PDE4C: variants seen among roughly 807,000 people sequenced by gnomAD.
PDE4C encodes the protein 3',5'-cyclic-AMP phosphodiesterase 4C.
Under a neutral mutation model 63.9 loss-of-function variants are expected in PDE4C, and 50 were observed. That is an observed-to-expected ratio of 0.78 (90% confidence interval 0.62 to 0.99). The LOEUF (loss-of-function observed/expected upper bound fraction) is 0.99, where lower values mean the gene tolerates loss of function less well. Ranked by LOEUF, PDE4C falls within the 50% of genes least tolerant of loss-of-function variation. The pLI is 0.00. For missense variants in PDE4C, 777 were observed against 899.1 expected (o/e 0.86, Z 1.74); for synonymous variants, 377 against 385.1 (o/e 0.98, Z 0.25).
intron 1 of PDE4C, among the ~76,000 whole-genome samples, chr19:18,223,461 T>C (rs1968581701): frequency 6.6e-6 from 1 of 150,904 alleles, no homozygotes; most frequent in Non-Finnish European, 1.5e-5. Context: ...CCGCCCGCCT[T>C]GGCCTCCCAA....
downstream of PDE4C, chr19:18,209,818 C>G (rs1334739946): frequency 6.6e-6 from 1 of 151,300 alleles, no homozygotes; most frequent in Non-Finnish European, 1.5e-5. Context: ...CTCAGCCTCC[C>G]CAGTAGCTGG....
chr19:18,215,835 T>C (rs909010027), intron 12 of PDE4C, among the ~76,000 whole-genome samples: 38 of 148,066 alleles, frequency 2.6e-4, no homozygotes, highest in Admixed American at 5.4e-4. Context: ...TCTTTTCTTT[T>C]TTTTTTTTTT....
upstream of PDE4C, among the ~76,000 whole-genome samples, chr19:18,228,069 C>T (rs1362729614): frequency 3.3e-5 from 5 of 152,118 alleles, no homozygotes; most frequent in Admixed American, 6.6e-5. Flanking sequence ...AAAATACCAT[C>T]GTTGTCTGCT....
intron 13 of PDE4C, among the ~76,000 whole-genome samples, chr19:18,212,198 T>TA (rs1267516945): frequency 6.9e-6 from 1 of 144,404 alleles, no homozygotes; most frequent in African/African-American, 2.5e-5. Flanking sequence ...TTTTTTTTTT[T>TA]AATGAGTTAG....
chr19:18,210,974 G>A (rs147017099), exon 15 of PDE4C: 289 of 1,614,002 alleles, frequency 1.8e-4, no homozygotes, highest in Non-Finnish European at 2.2e-4. Flanking sequence ...GGTCTGGGCC[G>A]GCTTCAGGGG....
At chr19:18,232,466 GGT>G (rs1436150489) in intron 1 of PDE4C, among the ~76,000 whole-genome samples, 1 of 151,462 alleles carries the variant, frequency 6.6e-6, no homozygotes, top group Non-Finnish European at 1.5e-5. Context: ...TGCTTGAGCT[GGT>G]CACAAACTTC....
chr19:18,232,178 A>T (rs557226088), intron 1 of PDE4C, among the ~76,000 whole-genome samples: 1 of 152,120 alleles, frequency 6.6e-6, no homozygotes, highest in Non-Finnish European at 1.5e-5. Flanking sequence ...CAGCCTGGGT[A>T]ACATGGCAAA....
chr19:18,242,545 G>A (rs907702497), intron 1 of PDE4C, among the ~76,000 whole-genome samples: 5 of 150,994 alleles, frequency 3.3e-5, no homozygotes, highest in Admixed American at 1.3e-4. Flanking sequence ...ATTTTGGGAG[G>A]CTGAGGTGGG....
At chr19:18,216,601 A>C (rs569116843) in intron 12 of PDE4C, 140 bp downstream of exon 12, 1 of 792,876 alleles carries the variant, frequency 1.3e-6, no homozygotes, top group African/African-American at 1.7e-5. Flanking sequence ...CAGATGAGGA[A>C]GCTCAGACAG....
chr19:18,233,381 C>G lies in PDE4C; in HGVS notation c.-190G>C, dbSNP rs1968892921. On this transcript the variant is annotated 5_prime_UTR_variant, in exon 1 of 15. Transcript: ENST00000594465. Reference sequence around the variant, plus strand: ...TCAAGGTGGGGCCGACACCGAGGAGCTGTCGATGCCCAGATGGTGCTGAAG... The same window carrying G: ...TCAAGGTGGGGCCGACACCGAGGAGGTGTCGATGCCCAGATGGTGCTGAAG... 7 of 754,092 alleles carry G rather than the reference C, an allele frequency of 9.3e-6. No homozygotes were observed. In the East Asian group the frequency reaches 1.6e-4, roughly 17 times the overall value. 46.7% of individuals were successfully genotyped at this position (754,092 alleles called of 1,614,324 possible).
chr19:18,224,103 C>T, intron 1 of PDE4C: 1 of 678,198 alleles, frequency 1.5e-6, no homozygotes, highest in Non-Finnish European at 1.8e-6. Flanking sequence ...CCGGCCCACC[C>T]TCCTCCCTCT....
At chr19:18,249,924 GAAAGT>G, upstream of PDE4C, 1 of 390,450 alleles carries the variant, frequency 2.6e-6, no homozygotes, top group Non-Finnish European at 4.5e-6. Context: ...TGGATCCCCT[GAAAGT>G]AAAGACATGG....
Position 18,220,851 on chromosome 19 carries a change from G to A in PDE4C, c.499+23C>T, listed in dbSNP as rs1968438288. 6 of 1,604,310 alleles carry A rather than the reference G, an allele frequency of 3.7e-6. No individual in the cohort carries two copies. The highest frequency in any genetic ancestry group is 5.1e-6 in the Non-Finnish European group (6 of 1,176,026). On this transcript the variant is annotated intron_variant, in intron 5 of 14. Coordinates refer to ENST00000262805, the Ensembl canonical transcript of PDE4C. The surrounding 1 kb of genome is among the most constrained non-coding windows in gnomAD (Gnocchi z 5.1). ...AAGCTCCCAGCTGTCCTCAGCGGGGGAGGGAAGGAACAGGTACTTTACCTG... is the reference window on the plus strand; with the variant it reads ...AAGCTCCCAGCTGTCCTCAGCGGGGAAGGGAAGGAACAGGTACTTTACCTG...
rs1402122502 is a variant in PDE4C, at chr19:18,211,946, A to G, written c.1513-5T>C. 2.5e-6 allele frequency: 4 copies of G among 1,612,166 alleles called. No homozygotes were observed. Among genetic ancestry groups the G allele is most frequent in the Non-Finnish European group, 3.4e-6 (4 of 1,178,444 alleles). On this transcript the variant is annotated splice_polypyrimidine_tract_variant and splice_region_variant and intron_variant, in intron 13 of 14. Coordinates refer to ENST00000262805, the Ensembl canonical transcript of PDE4C. The stretch of plus-strand genomic sequence containing the variant: ...GTGCACCAGGTTCTGCAAGACCTAC[A>G]GAGATCGAGGCTTGGGAGGGCACTG...
upstream of PDE4C, among the ~76,000 whole-genome samples, chr19:18,227,849 G>T (rs1968774672): frequency 6.6e-6 from 1 of 152,124 alleles, no homozygotes. Context: ...ATTGATCAGG[G>T]ATCCCACAGG....
intron 1 of PDE4C, among the ~76,000 whole-genome samples, chr19:18,232,147 T>C (rs565515872): frequency 6.6e-6 from 1 of 152,168 alleles, no homozygotes; most frequent in Non-Finnish European, 1.5e-5. Context: ...GGAGGATTAC[T>C]TGAGGCCAAG....
intron 12 of PDE4C, among the ~76,000 whole-genome samples, chr19:18,216,418 G>T (rs1395090660): frequency 6.6e-6 from 1 of 151,904 alleles, no homozygotes; most frequent in East Asian, 1.9e-4. Context: ...GGGATGACAG[G>T]TGCACACCAC....
chr19:18,229,701 G>A (rs968968096), upstream of PDE4C, among the ~76,000 whole-genome samples: 4 of 152,056 alleles, frequency 2.6e-5, no homozygotes, highest in African/African-American at 7.2e-5. Context: ...GTGGAGAGGG[G>A]AGATGACTTG....
At chr19:18,214,207 G>A (rs1409079424) in intron 12 of PDE4C, among the ~76,000 whole-genome samples, 1 of 150,452 alleles carries the variant, frequency 6.6e-6, no homozygotes, top group Non-Finnish European at 1.5e-5. Context: ...GCAGGGAGCC[G>A]AGATCCTGCA....
Sources: allele counts gnomAD v4.1 joint callset (sites outside exome capture counted in the v4.1 genomes callset), GRCh38; gene constraint gnomAD v4.1.1; non-coding constraint Gnocchi (gnomAD v3.1); transcripts MANE v1.5; gene names NCBI Gene and HGNC (gene_info 2026-07-23, HGNC 2026-07-21).